KIAA1958: variants seen among roughly 807,000 people sequenced by gnomAD.
The protein encoded by KIAA1958 is KIAA1958, also known as uncharacterized protein KIAA1958.
Under a neutral mutation model 47.2 loss-of-function variants are expected in KIAA1958, and 14 were observed. The ratio of observed to expected loss-of-function variants is 0.30; its 90% CI spans 0.20 to 0.46. The LOEUF (loss-of-function observed/expected upper bound fraction) is 0.46, where lower values mean the gene tolerates loss of function less well. Among genes scored for constraint, KIAA1958 ranks in the 20% least tolerant of loss-of-function variants. KIAA1958 has a pLI of 1.00. For missense variants in KIAA1958, 803 were observed against 909.2 expected, an observed-to-expected ratio of 0.88 and a Z score of 1.50; for synonymous variants, 354 against 353.3, an observed-to-expected ratio of 1.00 and a Z score of -0.02.
At chr9:112,518,810 A>G (rs777817537) in intron 1 of KIAA1958, among the ~76,000 whole-genome samples, 4 of 152,210 alleles carry the variant, frequency 2.6e-5, no homozygotes, top group African/African-American at 4.8e-5. Flanking sequence ...GTTTGGACAT[A>G]TAACAGTTCA....
intron 1 of KIAA1958, among the ~76,000 whole-genome samples, chr9:112,539,292 G>A (rs1834902491): frequency 6.6e-6 from 1 of 152,188 alleles, no homozygotes; most frequent in Admixed American, 6.5e-5. Context: ...AAACAACCCA[G>A]ATGTCTATCA....
chr9:112,556,095 A>T (rs1020199280), intron 1 of KIAA1958, among the ~76,000 whole-genome samples: 1 of 152,160 alleles, frequency 6.6e-6, no homozygotes, highest in African/African-American at 2.4e-5. Context: ...AAAAAGCTTC[A>T]CTTCTTAAAA....
chr9:112,649,422 G>C (rs1196175700), intron 3 of KIAA1958, among the ~76,000 whole-genome samples: 1 of 151,604 alleles, frequency 6.6e-6, no homozygotes, highest in Non-Finnish European at 1.5e-5. Context: ...ACCTCCCAAA[G>C]TGCTGGGATT....
intron 1 of KIAA1958, among the ~76,000 whole-genome samples, chr9:112,505,960 A>C (rs1834227107): frequency 6.6e-6 from 1 of 152,212 alleles, no homozygotes; most frequent in Admixed American, 6.5e-5. Flanking sequence ...CTTTCCTTTG[A>C]AATGTGTCAC....
At chr9:112,510,344 G>C (rs1433936346) in intron 1 of KIAA1958, among the ~76,000 whole-genome samples, 1 of 152,202 alleles carries the variant, frequency 6.6e-6, no homozygotes, top group Non-Finnish European at 1.5e-5. Context: ...ACTCTCAGTA[G>C]ATACCTGCTT....
At chr9:112,539,422 C>T (rs1364288754) in intron 1 of KIAA1958, among the ~76,000 whole-genome samples, 1 of 152,108 alleles carries the variant, frequency 6.6e-6, no homozygotes, top group Non-Finnish European at 1.5e-5. Context: ...GTGAAAGAAT[C>T]AAGTTATAAA....
At chr9:112,495,351 A>C (rs1587987691) in intron 1 of KIAA1958, among the ~76,000 whole-genome samples, 1 of 152,122 alleles carries the variant, frequency 6.6e-6, no homozygotes, top group Admixed American at 6.5e-5. Context: ...GGTTTCTGTG[A>C]TGGAGATGGA....
intron 1 of KIAA1958, among the ~76,000 whole-genome samples, chr9:112,552,267 G>A (rs965148544): frequency 1.3e-4 from 20 of 152,308 alleles, no homozygotes; most frequent in Non-Finnish European, 2.6e-4. Context: ...GAAACCTCTG[G>A]AACATGCTTC....
chr9:112,494,050 A>G (rs1255375993), intron 1 of KIAA1958, among the ~76,000 whole-genome samples: 1 of 152,236 alleles, frequency 6.6e-6, no homozygotes, highest in Non-Finnish European at 1.5e-5. Flanking sequence ...GATTTGGTCC[A>G]TAGGCCTTAG....
At chr9:112,659,019 C>CAAAAAAAAAAAAAAAAA (rs560013892) in intron 3 of KIAA1958, among the ~76,000 whole-genome samples, 9 of 57,750 alleles carry the variant, frequency 1.6e-4, no homozygotes, top group Non-Finnish European at 2.0e-4. Flanking sequence ...GACTCTGACT[C>CAAAAAAAAAAAAAAAAA]AAAAAAAAAA....
At chr9:112,515,894 T>TAAAAAAAAAAAAAAAAAAAAA (rs58492221) in intron 1 of KIAA1958, among the ~76,000 whole-genome samples, 5 of 97,106 alleles carry the variant, frequency 5.1e-5, no homozygotes, top group Non-Finnish European at 5.9e-5. Context: ...AAAAATAAAT[T>TAAAAAAAAAAAAAAAAAAAAA]AAAAAAAAAA....
intron 2 of KIAA1958, among the ~76,000 whole-genome samples, chr9:112,624,759 G>A (rs889993547): frequency 6.6e-5 from 10 of 152,126 alleles, no homozygotes; most frequent in African/African-American, 2.4e-4. Context: ...TAGAACCAGA[G>A]TATTAATTAG....
At chr9:112,590,064 G>T (rs1272709565) in intron 2 of KIAA1958, among the ~76,000 whole-genome samples, 1 of 152,196 alleles carries the variant, frequency 6.6e-6, no homozygotes. Context: ...TGCATAGTGT[G>T]ATGTGGTCCC....
At chr9:112,630,244 C>T (rs1338350594) in intron 2 of KIAA1958, among the ~76,000 whole-genome samples, 1 of 152,212 alleles carries the variant, frequency 6.6e-6, no homozygotes, top group African/African-American at 2.4e-5. Context: ...AAAGAAAGCC[C>T]TGCTGCAAAC....
chr9:112,575,673 T>C (rs60428898), intron 2 of KIAA1958, among the ~76,000 whole-genome samples: 5,499 of 152,252 alleles, frequency 0.036, 344 homozygotes, highest in African/African-American at 0.12. Context: ...TTTCGTATTA[T>C]TTATTTGACT....
chr9:112,560,658 A>T (rs914979268), intron 1 of KIAA1958, among the ~76,000 whole-genome samples: 3 of 152,188 alleles, frequency 2.0e-5, no homozygotes, highest in African/African-American at 7.2e-5. Context: ...CTTAAACTGG[A>T]TCAGTTTCTC....
chr9:112,645,664 C>G lies in KIAA1958; in HGVS notation c.1186C>G (p.Leu396Val), dbSNP rs1836962549. ...AQCIPAYSTK[L>V]NKFPVFNIND... ...TTTATTTCTAGCTTATTCCACTAAG[C>G]TCAACAAATTTCCTGTATTTAATAT... The change falls in exon 3 of 4, where the codon CTC becomes GTC. Residue 396 changes from leucine to valine, a missense_variant. Leu to Val is a conservative substitution (Grantham distance 32, BLOSUM62 1). Transcript: ENST00000337530. The G allele has an allele frequency of 1.2e-6, 2 of 1,603,306 alleles. No individual in the cohort carries two copies. The highest frequency in any genetic ancestry group is 1.7e-6 in the Non-Finnish European group (2 of 1,174,362).
intron 1 of KIAA1958, among the ~76,000 whole-genome samples, chr9:112,519,034 A>T (rs1363913595): frequency 6.6e-6 from 1 of 151,972 alleles, no homozygotes; most frequent in Non-Finnish European, 1.5e-5. Flanking sequence ...GGCTCAAGCA[A>T]TTTTCCTGTT....
chr9:112,549,325 T>G (rs1462924081), intron 1 of KIAA1958, among the ~76,000 whole-genome samples: 1 of 152,234 alleles, frequency 6.6e-6, no homozygotes. Context: ...TCCCTTGGGT[T>G]TTATAACTCT....
Sources: gnomAD v4.1 joint callset for allele counts (sites outside exome capture counted in the v4.1 genomes callset) on GRCh38, gnomAD v4.1.1 for gene constraint, MANE v1.5 for transcripts, NCBI Gene and HGNC (gene_info 2026-07-23, HGNC 2026-07-21) for gene names.